The following EXD3 variants were observed in gnomAD, a reference collection of about 807,000 sequenced individuals.
The protein encoded by EXD3 is exonuclease 3'-5' domain containing 3, also known as exonuclease mut-7 homolog.
In EXD3, 92 loss-of-function variants were observed where a neutral mutation model predicts 98.0. The observed-to-expected ratio is 0.94, with a 90% confidence interval of 0.79 to 1.12. EXD3 has a LOEUF of 1.12. Ranked by LOEUF, EXD3 falls within the 50% of genes most tolerant of loss-of-function variation. EXD3 has a pLI of 0.00. For synonymous variants in EXD3, 569 were observed against 526.0 expected, an observed-to-expected ratio of 1.08 and a Z score of -1.12; for missense variants, 1,222 against 1,191.6, an observed-to-expected ratio of 1.03 and a Z score of -0.38.
intron 1 of EXD3, among the ~76,000 whole-genome samples, chr9:137,414,274 A>G (rs1399405418): frequency 6.6e-6 from 1 of 152,136 alleles, no homozygotes; most frequent in Non-Finnish European, 1.5e-5. Context: ...TTCAAAACTC[A>G]TCCCTGCAGC....
intron 5 of EXD3, among the ~76,000 whole-genome samples, chr9:137,372,349 C>T (rs967524089): frequency 6.6e-6 from 1 of 152,330 alleles, no homozygotes; most frequent in Middle Eastern, 3.4e-3. Context: ...TGTGAGTGGG[C>T]ACCACTCTGG....
chr9:137,390,482 T>G (rs1439313457), intron 2 of EXD3, among the ~76,000 whole-genome samples: 2 of 150,022 alleles, frequency 1.3e-5, no homozygotes, highest in Admixed American at 1.3e-4. Context: ...AAATAAAAAC[T>G]AAAAAGATAA....
rs191560236 is a variant in EXD3 at position 137,332,667 on chromosome 9, C to T, written c.1999-8524G>A. Among the ~76,000 whole-genome samples, 739 of 151,684 alleles carry T rather than the reference C, an allele frequency of 4.9e-3. 4 individuals carry two copies. The highest frequency in any genetic ancestry group is 7.1e-3 in the Non-Finnish European group (481 of 67,946). ...GACCATCCTGGCTAAAACAGTGAAA[C>T]CCCGTCTCTACTAAAAAGCACAAAA... is the stretch of plus-strand genomic sequence containing the variant. On this transcript the variant is annotated intron_variant, in intron 17 of 21. Coordinates refer to ENST00000340951, the MANE Select transcript of EXD3 (RefSeq NM_017820.5).
chr9:137,388,942 C>T (rs963636539), intron 2 of EXD3, among the ~76,000 whole-genome samples: 3 of 152,194 alleles, frequency 2.0e-5, no homozygotes, highest in African/African-American at 2.4e-5. Context: ...TGACCGCCCA[C>T]GGACAGCAGA....
intron 7 of EXD3, among the ~76,000 whole-genome samples, chr9:137,357,599 A>T (rs1834856565): frequency 6.6e-6 from 1 of 151,866 alleles, no homozygotes; most frequent in South Asian, 2.1e-4. Context: ...CAGACGCAGT[A>T]TCTTAGTTAC....
chr9:137,387,795 G>C (rs909674863), intron 2 of EXD3, among the ~76,000 whole-genome samples: 3 of 152,242 alleles, frequency 2.0e-5, no homozygotes, highest in African/African-American at 7.2e-5. Context: ...TCCTCGTGCA[G>C]TAGCTTCTGG....
At chr9:137,379,892 C>G (rs1399504305) in intron 3 of EXD3, among the ~76,000 whole-genome samples, 1 of 152,070 alleles carries the variant, frequency 6.6e-6, no homozygotes, top group African/African-American at 2.4e-5. Flanking sequence ...GTCCTCCCCT[C>G]CAGGCCCCCA....
In EXD3 at chr9:137,393,033, T is replaced by G. The variant is rs558894119; in HGVS notation, c.55+2270A>C. The G allele has an allele frequency of 5.5e-5, 30 of 548,714 alleles. No individual in the cohort carries two copies. Among genetic ancestry groups the G allele is most frequent in the East Asian group, 7.5e-5 (2 of 26,818 alleles). 34.0% of individuals were successfully genotyped at this position (548,714 alleles called of 1,614,324 possible). Reference sequence around the variant, plus strand: ...GCCGTGTCTGTTCCAGGGAGGGCCATTAGTGTTCCAGGGGGTGCTGAGGCT... The same window carrying G: ...GCCGTGTCTGTTCCAGGGAGGGCCAGTAGTGTTCCAGGGGGTGCTGAGGCT... On this transcript the variant is annotated intron_variant, in intron 2 of 21. Coordinates refer to ENST00000340951, the MANE Select transcript of EXD3 (RefSeq NM_017820.5). The surrounding 1 kb of genome is among the most constrained non-coding windows in gnomAD (Gnocchi z 4.6).
At chr9:137,378,893 C>CAAGGGGAATGGGG (rs1195218919) in intron 3 of EXD3, among the ~76,000 whole-genome samples, 1 of 148,132 alleles carries the variant, frequency 6.8e-6, no homozygotes, top group African/African-American at 2.6e-5. Flanking sequence ...GTGACGGTGA[C>CAAGGGGAATGGGG]CGTTGCCTGG....
chr9:137,352,289 G>A (rs921832657), intron 11 of EXD3, 88 bp from the exon 12 acceptor site: 22 of 1,552,204 alleles, frequency 1.4e-5, no homozygotes, highest in Non-Finnish European at 1.8e-5. Context: ...TTCAGGGCCT[G>A]TTTGGTGGGG....
chr9:137,405,880 G>A lies in EXD3; in HGVS notation c.-47-10476C>T, dbSNP rs182660173. ...CCCGCTGCCCACAGACACCTTGCCC[G>A]TGCCCCAATGCCAGGCAGAGGCCTC... On this transcript the variant is annotated intron_variant, in intron 1 of 21. Coordinates refer to ENST00000340951, the MANE Select transcript of EXD3 (RefSeq NM_017820.5). The surrounding 1 kb of genome is among the most constrained non-coding windows in gnomAD (Gnocchi z 4.1). Among the ~76,000 whole-genome samples the A allele has an allele frequency of 5.3e-4, 80 of 152,306 alleles. No homozygotes were observed. Among genetic ancestry groups the A allele is most frequent in the Non-Finnish European group, 9.6e-4 (65 of 68,024 alleles).
At chr9:137,389,052 C>T (rs960152894) in intron 2 of EXD3, among the ~76,000 whole-genome samples, 8 of 152,200 alleles carry the variant, frequency 5.3e-5, no homozygotes, top group Non-Finnish European at 8.8e-5. Context: ...ACTGGGGCCT[C>T]CGTCCCTCTG....
chr9:137,421,281 C>T (rs907603102), intron 1 of EXD3, among the ~76,000 whole-genome samples: 1 of 152,172 alleles, frequency 6.6e-6, no homozygotes, highest in Non-Finnish European at 1.5e-5. Flanking sequence ...AAGTTCCAGC[C>T]AGTTTAGAAA....
rs148791934 is a variant in EXD3, at chr9:137,330,141, C to G, written c.1999-5998G>C. ...GAGCTACACAGGAGCTACACAGGAA[C>G]TACACCGGAGCTACACAGGACTACA... On this transcript the variant is annotated intron_variant, in intron 17 of 21. Transcript: ENST00000340951. 1.7e-3 allele frequency among the ~76,000 whole-genome samples: 210 copies of G among 124,086 alleles called. 17 individuals are homozygous for G. Among genetic ancestry groups the G allele is most frequent in the African/African-American group, 6.5e-3 (198 of 30,536 alleles). 81.4% of individuals were successfully genotyped at this position (124,086 alleles called of 152,430 possible). A position where few individuals can be genotyped will look rare whatever the true frequency, so the allele number is the denominator to read the frequency against.
chr9:137,386,541 C>G (rs1013880098), intron 2 of EXD3, among the ~76,000 whole-genome samples: 1 of 152,066 alleles, frequency 6.6e-6, no homozygotes, highest in African/African-American at 2.4e-5. Context: ...TGCCCTCAGA[C>G]AACACCCAGC....
At chr9:137,419,655 C>T (rs1057061841) in intron 1 of EXD3, among the ~76,000 whole-genome samples, 5 of 150,914 alleles carry the variant, frequency 3.3e-5, no homozygotes, top group South Asian at 2.1e-4. Flanking sequence ...GGCAACAGAG[C>T]GAGACTCCAT....
intron 17 of EXD3, among the ~76,000 whole-genome samples, chr9:137,327,567 G>GT (rs1258671133): frequency 3.3e-5 from 5 of 152,000 alleles, no homozygotes; most frequent in Non-Finnish European, 5.9e-5. Flanking sequence ...TGTTATGTAT[G>GT]TTTTACCACA....
At chr9:137,327,121 T>C (rs1260595733) in intron 17 of EXD3, among the ~76,000 whole-genome samples, 1 of 151,236 alleles carries the variant, frequency 6.6e-6, no homozygotes, top group Non-Finnish European at 1.5e-5. Flanking sequence ...GGGAGATAAC[T>C]ATTGGTACGG....
chr9:137,379,941 G>A (rs11522291), intron 3 of EXD3, among the ~76,000 whole-genome samples: 13,782 of 151,884 alleles, frequency 0.091, 610 homozygotes, highest in Middle Eastern at 0.11. Flanking sequence ...GTCGGCCAGC[G>A]CAAGCCACAC....
Sources: gnomAD v4.1 joint callset for allele counts (sites outside exome capture counted in the v4.1 genomes callset) on GRCh38, gnomAD v4.1.1 for gene constraint, Gnocchi (gnomAD v3.1) non-coding constraint, MANE v1.5 for transcripts, NCBI Gene and HGNC (gene_info 2026-07-23, HGNC 2026-07-21) for gene names.